STK3: variants seen among roughly 807,000 people sequenced by gnomAD.
STK3 encodes serine/threonine kinase 3.
In STK3, 41 loss-of-function variants were observed where a neutral mutation model predicts 58.0. The ratio of observed to expected loss-of-function variants is 0.71; its 90% CI spans 0.55 to 0.92. The LOEUF (loss-of-function observed/expected upper bound fraction) is 0.92. STK3 is among the 40% of genes least tolerant of loss of function. The probability of loss-of-function intolerance (pLI) is 0.00; values close to 1 mark genes in which losing one functional copy is unlikely to be tolerated. For missense variants in STK3, 479 were observed against 602.7 expected (o/e 0.79, Z 2.15); for synonymous variants, 170 against 191.0 (o/e 0.89, Z 0.91).
At chr8:98,463,395 A>G (rs1820163838) in intron 10 of STK3, among the ~76,000 whole-genome samples, 1 of 152,066 alleles carries the variant, frequency 6.6e-6, no homozygotes, top group Non-Finnish European at 1.5e-5. Flanking sequence ...AAAAAAAACC[A>G]AGTAAAAGAT....
At chr8:98,559,849 A>T (rs193199709) in intron 8 of STK3, among the ~76,000 whole-genome samples, 18 of 152,162 alleles carry the variant, frequency 1.2e-4, no homozygotes, top group African/African-American at 4.1e-4. Context: ...TTTTTCCCTT[A>T]TTTTTTAAAT....
the STK3 span, among the ~76,000 whole-genome samples, chr8:98,351,499 C>G: frequency 6.6e-6 from 1 of 152,134 alleles, no homozygotes; most frequent in Admixed American, 6.5e-5. Flanking sequence ...TATTCTAATT[C>G]TATCATCCTC....
chr8:98,641,279 A>G (rs1312448840), intron 6 of STK3, among the ~76,000 whole-genome samples: 1 of 152,176 alleles, frequency 6.6e-6, no homozygotes, highest in Non-Finnish European at 1.5e-5. Flanking sequence ...ATTAAGCTCA[A>G]GATCCAAATT....
intron 7 of STK3, among the ~76,000 whole-genome samples, chr8:98,585,927 G>A (rs1814524994): frequency 6.6e-6 from 1 of 151,918 alleles, no homozygotes; most frequent in Admixed American, 6.6e-5. Context: ...GAATGCTTGT[G>A]ATTTTTGCAC....
In STK3 at chr8:98,596,027, C is replaced by G; in HGVS notation, c.822+5G>C. 1 of 1,612,518 alleles carries G rather than the reference C, an allele frequency of 6.2e-7. No homozygotes were observed. Among genetic ancestry groups the G allele is most frequent in the Non-Finnish European group, 8.5e-7 (1 of 1,179,034 alleles). ...TATCCTTCCCTTCGAGGCACAAGCACTGACCTGTAAAAGTTGTGTTGCAGT... is the reference window on the plus strand; with the variant it reads ...TATCCTTCCCTTCGAGGCACAAGCAGTGACCTGTAAAAGTTGTGTTGCAGT... On this transcript the variant is annotated splice_donor_5th_base_variant and intron_variant, in intron 7 of 10. Transcript: ENST00000419617.
chr8:98,470,898 T>C (rs528368791), intron 10 of STK3, among the ~76,000 whole-genome samples: 122 of 152,260 alleles, frequency 8.0e-4, no homozygotes, highest in Non-Finnish European at 1.4e-3. Flanking sequence ...TATATCCCAC[T>C]TAGAAATTAA....
intron 1 of STK3, among the ~76,000 whole-genome samples, chr8:98,920,692 T>C (rs985483929): frequency 1.3e-5 from 2 of 152,004 alleles, no homozygotes; most frequent in Non-Finnish European, 2.9e-5. Context: ...CCCCCCATGC[T>C]CCTGTGCTGG....
chr8:98,498,344 T>A (rs1197343780), intron 10 of STK3, among the ~76,000 whole-genome samples: 14 of 152,068 alleles, frequency 9.2e-5, no homozygotes, highest in African/African-American at 3.1e-4. Context: ...AAGTTGCTAA[T>A]GAGAAGAGAT....
At chr8:98,590,291 A>C (rs746380714) in intron 7 of STK3, among the ~76,000 whole-genome samples, 9 of 152,142 alleles carry the variant, frequency 5.9e-5, no homozygotes, top group African/African-American at 7.2e-5. Flanking sequence ...TAAATTTCTG[A>C]GCCTCAATGT....
intron 4 of STK3, among the ~76,000 whole-genome samples, chr8:98,748,561 A>G (rs1168861382): frequency 6.6e-6 from 1 of 152,184 alleles, no homozygotes; most frequent in Admixed American, 6.5e-5. Flanking sequence ...AACATATAAT[A>G]ATGTTACTGC....
At chr8:98,630,544 A>C (rs1819103286) in intron 6 of STK3, among the ~76,000 whole-genome samples, 1 of 152,052 alleles carries the variant, frequency 6.6e-6, no homozygotes, top group African/African-American at 2.4e-5. Flanking sequence ...TTGGGAGGCC[A>C]AGGTGGGAGA....
At chr8:98,449,244 A>G (rs558287624) in intron 1 of STK3, among the ~76,000 whole-genome samples, 2 of 152,278 alleles carry the variant, frequency 1.3e-5, no homozygotes, top group African/African-American at 4.8e-5. Flanking sequence ...CTTGATACAT[A>G]TTGCCATATT....
chr8:98,614,904 G>A (rs571248717), intron 6 of STK3, among the ~76,000 whole-genome samples: 96 of 152,272 alleles, frequency 6.3e-4, no homozygotes, highest in Middle Eastern at 3.4e-3. Context: ...GCCATTGCCC[G>A]GGCTTGCTTA....
intron 4 of STK3, among the ~76,000 whole-genome samples, chr8:98,727,662 G>T (rs1827878403): frequency 6.6e-6 from 1 of 151,840 alleles, no homozygotes; most frequent in Non-Finnish European, 1.5e-5. Flanking sequence ...TCTACTTTCT[G>T]GCCCATCAAA....
At chr8:98,391,002 A>C (rs999672641), upstream of STK3, among the ~76,000 whole-genome samples, 1 of 152,158 alleles carries the variant, frequency 6.6e-6, no homozygotes, top group African/African-American at 2.4e-5. Context: ...ACTCTTTGTC[A>C]GATAATTCTA....
chr8:98,826,191 T>C (rs1416176449), upstream of STK3, among the ~76,000 whole-genome samples: 2 of 152,224 alleles, frequency 1.3e-5, no homozygotes, highest in African/African-American at 4.8e-5. Context: ...GACTCATTTC[T>C]TTGGCTTTCC....
intron 4 of STK3, among the ~76,000 whole-genome samples, chr8:98,740,596 A>C (rs1416489672): frequency 2.0e-5 from 3 of 152,224 alleles, no homozygotes; most frequent in Non-Finnish European, 1.5e-5. Flanking sequence ...TGAAGGAAGC[A>C]ATAAACATGG....
At chr8:98,488,020 T>C (rs746909303) in intron 10 of STK3, among the ~76,000 whole-genome samples, 5 of 152,230 alleles carry the variant, frequency 3.3e-5, no homozygotes, top group Non-Finnish European at 5.9e-5. Context: ...GTCAGAACAC[T>C]AGAGTTTCTC....
chr8:98,449,188 G>C (rs1050842045), intron 1 of STK3, among the ~76,000 whole-genome samples: 1 of 152,044 alleles, frequency 6.6e-6, no homozygotes, highest in African/African-American at 2.4e-5. Context: ...CTCCTGGATG[G>C]TAATATTCCC....
Sources: allele counts gnomAD v4.1 joint callset (sites outside exome capture counted in the v4.1 genomes callset), GRCh38; gene constraint gnomAD v4.1.1; transcripts MANE v1.5; gene names NCBI Gene and HGNC (gene_info 2026-07-23, HGNC 2026-07-21).